Variants in IGF2R observed in about 807,000 individuals in gnomAD.
IGF2R encodes cation-independent mannose-6-phosphate receptor.
A neutral mutation model predicts 270.6 loss-of-function variants in IGF2R; 91 were observed. The observed-to-expected ratio is 0.34, with a 90% CI of 0.28 to 0.40. IGF2R has a LOEUF of 0.40. Among genes scored for constraint, IGF2R ranks in the 10% least tolerant of loss-of-function variants. IGF2R has a pLI of 1.00. For synonymous variants in IGF2R, 1,316 were observed against 1,258.9 expected (o/e 1.05, Z -0.96); for missense variants, 2,805 against 3,188.3 (o/e 0.88, Z 2.90).
At chr6:160,073,519 C>T (rs1778790854) in intron 34 of IGF2R, 50 bp downstream of exon 34, 2 of 1,596,132 alleles carry the variant, frequency 1.3e-6, no homozygotes, top group African/African-American at 1.3e-5. Context: ...TGCCTGGCTG[C>T]ACCCGGGCCC....
At chr6:160,081,384 C>T (rs1003316603) in intron 39 of IGF2R, among the ~76,000 whole-genome samples, 5 of 151,956 alleles carry the variant, frequency 3.3e-5, no homozygotes, top group Non-Finnish European at 5.9e-5. Flanking sequence ...AGGGAGTGTA[C>T]GAATAGGGTG....
chr6:160,037,078 C>T (rs1415080861), intron 10 of IGF2R, among the ~76,000 whole-genome samples: 1 of 152,198 alleles, frequency 6.6e-6, no homozygotes, highest in South Asian at 2.1e-4. Context: ...AGCCATGCGT[C>T]ATTGATGGCT....
rs1187416672 is a variant in IGF2R, at chr6:160,096,388, G to T, written c.6656-51G>T. ...GACCGTAAGGAGCTAAGCTCAGTCT[G>T]CTCGTGAAAAATGATGGTGACATGC... On this transcript the variant is annotated intron_variant, in intron 44 of 47. Transcript: ENST00000356956. The T allele has an allele frequency of 5.2e-6, 8 of 1,539,040 alleles. No homozygotes were observed. The East Asian group carries it at 1.8e-4, about 35-fold the overall frequency.
At chr6:160,009,169 A>T in intron 3 of IGF2R, 35 bp downstream of exon 3, 1 of 1,544,110 alleles carries the variant, frequency 6.5e-7, no homozygotes, top group South Asian at 1.2e-5. Context: ...TATTTCTTTA[A>T]AAAAAAAAAG....
intron 1 of IGF2R, among the ~76,000 whole-genome samples, chr6:159,980,244 AT>A (rs1783777908): frequency 7.0e-6 from 1 of 142,542 alleles, no homozygotes; most frequent in African/African-American, 2.6e-5. Context: ...AGAAAGGTAC[AT>A]GGAAGATTCG....
intron 21 of IGF2R, 41 bp from the exon 22 acceptor site, chr6:160,058,865 G>T: frequency 6.4e-7 from 1 of 1,554,738 alleles, no homozygotes; most frequent in South Asian, 1.1e-5. Context: ...GAGATACGAG[G>T]CATAAATTTG....
At chr6:160,008,891 T>C in intron 2 of IGF2R, 119 bp from the exon 3 acceptor site, 1 of 1,037,672 alleles carries the variant, frequency 9.6e-7, no homozygotes, top group Non-Finnish European at 1.4e-6. Flanking sequence ...AGGACAGTTT[T>C]ATAAATTTAT....
rs200038258 is a variant in IGF2R, at chr6:160,040,742, A to G, written c.1480+18A>G. ...CCATGCAGGTACTGCCCTCCTTGCC[A>G]TGCGGGTCTTAGTCCACATGCTCAT... On this transcript the variant is annotated intron_variant, in intron 11 of 47. Coordinates refer to ENST00000356956, the MANE Select transcript of IGF2R (RefSeq NM_000876.4). The G allele has an allele frequency of 3.7e-6, 6 of 1,604,908 alleles. No homozygotes were observed. Among genetic ancestry groups the G allele is most frequent in the East Asian group, 2.2e-5 (1 of 44,654 alleles).
chr6:159,987,712 A>C (rs898382629), intron 1 of IGF2R, among the ~76,000 whole-genome samples: 3 of 152,246 alleles, frequency 2.0e-5, no homozygotes, highest in Non-Finnish European at 2.9e-5. Context: ...TAAAGGAGAC[A>C]TAATGTCCGT....
intron 10 of IGF2R, among the ~76,000 whole-genome samples, chr6:160,039,695 T>C (rs2115240895): frequency 6.6e-6 from 1 of 152,292 alleles, no homozygotes; most frequent in Middle Eastern, 3.4e-3. Flanking sequence ...ACAAGGATTA[T>C]GAAACCATCA....
intron 23 of IGF2R, 88 bp downstream of exon 23, chr6:160,060,805 T>C: frequency 7.7e-7 from 1 of 1,298,182 alleles, no homozygotes; most frequent in Non-Finnish European, 1.1e-6. Flanking sequence ...TGTGTGTATG[T>C]ATATTTGTGT....
chr6:160,088,294 C>A, intron 42 of IGF2R, 147 bp downstream of exon 42: 1 of 638,042 alleles, frequency 1.6e-6, no homozygotes, highest in Admixed American at 2.4e-5. Flanking sequence ...CGGGGCTGCT[C>A]CAGGCAGGGA....
At chr6:159,978,580 G>C (rs1012955418) in intron 1 of IGF2R, among the ~76,000 whole-genome samples, 1 of 152,130 alleles carries the variant, frequency 6.6e-6, no homozygotes, top group East Asian at 1.9e-4. Context: ...GCTGTTGTAG[G>C]TGGGAACAGA....
intron 3 of IGF2R, among the ~76,000 whole-genome samples, chr6:160,009,883 A>C (rs1373121983): frequency 6.6e-6 from 1 of 152,226 alleles, no homozygotes; most frequent in Non-Finnish European, 1.5e-5. Flanking sequence ...TGACTATTGC[A>C]TCTTCAGGTC....
chr6:160,047,117 G>T, intron 15 of IGF2R, 42 bp from the exon 16 acceptor site: 1 of 1,587,714 alleles, frequency 6.3e-7, no homozygotes, highest in East Asian at 2.2e-5. Context: ...GAGTGCTTCT[G>T]CCCCTCAGGT....
At chr6:160,036,097 T>C (rs764852958) in intron 10 of IGF2R, among the ~76,000 whole-genome samples, 15 of 152,240 alleles carry the variant, frequency 9.9e-5, no homozygotes, top group Middle Eastern at 3.4e-3. Flanking sequence ...GTAAGAAACT[T>C]GTATGTCCTG....
rs1784292885 is a variant in IGF2R, at chr6:160,009,135, G to A, written c.414+1G>A. On this transcript the variant is annotated splice_donor_variant, in intron 3 of 47. Transcript: ENST00000356956. LOFTEE classifies it high-confidence loss of function. ...TGCCTTCCTGTGTGGGAAAACCCTG[G>A]TGAGTCCACACAGGCACTTGATGTA... is the stretch of plus-strand genomic sequence containing the variant. The A allele has an allele frequency of 6.2e-7, 1 of 1,613,268 alleles. No homozygotes were observed. The highest frequency in any genetic ancestry group is 8.5e-7 in the Non-Finnish European group (1 of 1,179,680).
At chr6:160,033,158 A>G (rs1190567415) in intron 9 of IGF2R, 51 bp downstream of exon 9, 1 of 1,427,826 alleles carries the variant, frequency 7.0e-7, no homozygotes, top group Non-Finnish European at 9.8e-7. Flanking sequence ...ATTTCTTGAG[A>G]TAGGGTTGCA....
rs1244421343 is a variant in IGF2R at position 160,056,537 on chromosome 6, T to C, written c.2796+12T>C. 6.4e-7 allele frequency: 1 copy of C among 1,568,976 alleles called. No individual in the cohort carries two copies. Among genetic ancestry groups the C allele is most frequent in the Admixed American group, 1.7e-5 (1 of 59,988 alleles). On this transcript the variant is annotated intron_variant, in intron 20 of 47. Transcript: ENST00000356956. Reference sequence around the variant, plus strand: ...CGGATACAGACCAGGTACGTGTGCTTTCACCTGGCCCTCGTGCTGAGCTGC... The same window carrying C: ...CGGATACAGACCAGGTACGTGTGCTCTCACCTGGCCCTCGTGCTGAGCTGC...
Sources: gnomAD v4.1 joint callset for allele counts (sites outside exome capture counted in the v4.1 genomes callset) on GRCh38, gnomAD v4.1.1 for gene constraint, MANE v1.5 for transcripts, NCBI Gene and HGNC (gene_info 2026-07-23, HGNC 2026-07-21) for gene names.